Variants in PKD1 observed in about 807,000 individuals in gnomAD.
The protein encoded by PKD1 is polycystin 1, transient receptor potential channel interacting.
Under a neutral mutation model 361.7 loss-of-function variants are expected in PKD1, and 81 were observed. The ratio of observed to expected loss-of-function variants is 0.22; its 90% CI spans 0.19 to 0.27. The LOEUF (loss-of-function observed/expected upper bound fraction) is 0.27. PKD1 is among the 10% of genes least tolerant of loss of function. The pLI is 1.00. For missense variants in PKD1, 6,399 were observed against 6,118.3 expected (o/e 1.05, Z -1.53); for synonymous variants, 3,615 against 2,818.3 (o/e 1.28, Z -8.95).
chr16:2,105,382 G>T lies in PKD1; in HGVS notation c.7956C>A (p.Ser2652=), dbSNP rs778961122. The change falls in exon 21 of 46, where the codon TCC becomes TCA. Residue 2652 remains serine (S), a synonymous_variant. Coordinates refer to ENST00000262304, the MANE Select transcript of PKD1 (RefSeq NM_001009944.3). ...IRKNITETLV[S]LRVHTVDDIQ... is the part of the protein sequence containing the mutation. ...TGTCATCCACAGTGTGGACCCTCAGGGACACCAGAGTCTCCGTGATGTTCT... is the reference window on the plus strand; with the variant it reads ...TGTCATCCACAGTGTGGACCCTCAGTGACACCAGAGTCTCCGTGATGTTCT... 46 of 1,586,880 alleles carry T rather than the reference G, an allele frequency of 2.9e-5. No homozygotes were observed. The Middle Eastern group carries it at 2.5e-3, about 86-fold the overall frequency.
Position 2,100,345 on chromosome 16 carries a change from G to T in PKD1, c.9569-36C>A, listed in dbSNP as rs1376439336. 11 of 1,610,282 alleles carry T rather than the reference G, an allele frequency of 6.8e-6. No individual in the cohort carries two copies. The highest frequency in any genetic ancestry group is 8.5e-6 in the Non-Finnish European group (10 of 1,179,152). On this transcript the variant is annotated intron_variant, in intron 27 of 45. Coordinates refer to ENST00000262304, the MANE Select transcript of PKD1 (RefSeq NM_001009944.3). This position sits in a 1 kb window ranked among gnomAD's most constrained non-coding sequence, Gnocchi z 4.4. ...GCAGGAGGGAGGTCAGGCTCGCAGG[G>T]CGCCCCAATGCGGGGGCAGAGGGGC...
chr16:2,112,799 C>T lies in PKD1; in HGVS notation c.3150G>A (p.Glu1050=), dbSNP rs776465341. ...TAGVLVDSAV[E]VAFLWTFGDG... ...CCCGAGTCACTCACAGGAAGGCCAC[C>T]TCCACGGCCGAGTCCACCAGCACGC... is the stretch of plus-strand genomic sequence containing the variant. Residue 1050 remains glutamate, a synonymous_variant, in exon 13 of 46, where the codon GAG becomes GAA. Transcript: ENST00000262304. 1.2e-5 allele frequency: 19 copies of T among 1,597,320 alleles called. No homozygotes were observed. Among genetic ancestry groups the T allele is most frequent in the Non-Finnish European group, 1.3e-5 (15 of 1,179,524 alleles).
chr16:2,093,931 A>AGCCACC lies in PKD1; in HGVS notation c.10695_10700dup (p.Ala3571_Val3572dup), dbSNP rs2091727070. On this transcript the variant is annotated inframe_insertion, in exon 36 of 46. Transcript: ENST00000262304. ...CCCACCCTGAGACAGCCACAGCCAC[A>AGCCACC]GCCACCAGGAGCAGGCTGAGCCCGT... 6.3e-7 allele frequency: 1 copy of AGCCACC among 1,584,832 alleles called. No homozygotes were observed. Among genetic ancestry groups the AGCCACC allele is most frequent in the Admixed American group, 1.7e-5 (1 of 57,518 alleles).
chr16:2,097,059 C>T (rs2091877960), intron 34 of PKD1, 89 bp downstream of exon 34: 3 of 715,440 alleles, frequency 4.2e-6, no homozygotes, highest in South Asian at 3.0e-5. Context: ...CCCCACCCCA[C>T]CCTACCCCAG....
At position 2,117,948 on chromosome 16, in the gene PKD1, T is replaced by TGTCCCCAGCAGGGCTGAGCCG. The variant is rs2092667073; in HGVS notation, c.1023_1043dup (p.Gly342_Thr348dup). 6.7e-7 allele frequency: 1 copy of TGTCCCCAGCAGGGCTGAGCCG among 1,487,152 alleles called. No individual in the cohort carries two copies. Among genetic ancestry groups the TGTCCCCAGCAGGGCTGAGCCG allele is most frequent in the African/African-American group, 1.4e-5 (1 of 72,334 alleles). 92.1% of individuals were successfully genotyped at this position (1,487,152 alleles called of 1,614,324 possible). ...CAGGTGCCGCTTCCACCTGCACGTC[T>TGTCCCCAGCAGGGCTGAGCCG]GTCCCCAGCAGGGCTGAGCCGGCCC... On this transcript the variant is annotated inframe_insertion, in exon 5 of 46. Transcript: ENST00000262304.
intron 23 of PKD1, 128 bp from the exon 24 acceptor site, chr16:2,103,098 C>G: frequency 7.9e-7 from 1 of 1,271,230 alleles, no homozygotes; most frequent in Non-Finnish European, 1.1e-6. Flanking sequence ...TGCACCAGAG[C>G]TGGCACCTGC....
At chr16:2,105,825 C>T in intron 20 of PKD1, 40 bp downstream of exon 20, 1 of 1,579,692 alleles carries the variant, frequency 6.3e-7, no homozygotes, top group Middle Eastern at 2.3e-4. Context: ...CCCAAGCACG[C>T]ATGCAGCAGA....
At chr16:2,097,119 C>T (rs769180162) in intron 34 of PKD1, 29 bp downstream of exon 34, 55 of 1,255,394 alleles carry the variant, frequency 4.4e-5, no homozygotes, top group Admixed American at 1.4e-4. Flanking sequence ...CTCTGGCAAT[C>T]CCCCCTCCCC....
rs1433043091 is a variant in PKD1 at position 2,115,295 on chromosome 16, G to T, written c.2097+83C>A. On this transcript the variant is annotated intron_variant, in intron 10 of 45. Transcript: ENST00000262304. ...GGGGCCTGCAGGCTGGGTGTGTCTG[G>T]TGCACAGACCCAGACCCTGGGCAGC... 13 of 1,372,644 alleles carry T rather than the reference G, an allele frequency of 9.5e-6. No homozygotes were observed. The East Asian group carries it at 2.7e-4, about 29-fold the overall frequency. The allele number at this position is 1,372,644 out of a possible 1,614,324, so 85.0% of individuals were successfully genotyped here. A position where few individuals can be genotyped will look rare whatever the true frequency, so the allele number is the denominator to read the frequency against.
At chr16:2,103,164 A>G in intron 23 of PKD1, 102 bp downstream of exon 23, 1 of 1,399,008 alleles carries the variant, frequency 7.1e-7, no homozygotes, top group South Asian at 1.2e-5. Flanking sequence ...CATGAAACAG[A>G]AAGCAAATTT....
At position 2,089,509 on chromosome 16, in the gene PKD1, G is replaced by A. The variant is rs2091352580; in HGVS notation, c.*218C>T. On this transcript the variant is annotated 3_prime_UTR_variant, in exon 46 of 46. Transcript: ENST00000262304. ...GCTAGAAACCGTCCAATACTGCTGT[G>A]TCCTTCCCAAGGGAGCTGGGGAGGG... 1 of 606,170 alleles carries A rather than the reference G, an allele frequency of 1.6e-6. No individual in the cohort carries two copies. Among genetic ancestry groups the A allele is most frequent in the Non-Finnish European group, 2.9e-6 (1 of 340,152 alleles). 37.5% of individuals were successfully genotyped at this position (606,170 alleles called of 1,614,324 possible). A position where few individuals can be genotyped will look rare whatever the true frequency, so the allele number is the denominator to read the frequency against.
At position 2,088,786 on chromosome 16, in the gene PKD1, C is replaced by G; in HGVS notation, c.*941G>C. On this transcript the variant is annotated 3_prime_UTR_variant, in exon 46 of 46. Coordinates refer to ENST00000262304, the MANE Select transcript of PKD1 (RefSeq NM_001009944.3). ...GGGGTGTCGAGGCTCTAGAAGCGGC[C>G]ATGCCCACAGAAGTGGTACACAGAA... The G allele has an allele frequency of 1.2e-6, 1 of 867,536 alleles. No individual in the cohort carries two copies. The highest frequency in any genetic ancestry group is 1.7e-6 in the Non-Finnish European group (1 of 577,270). The allele number at this position is 867,536 out of a possible 1,614,324, so 53.7% of individuals were successfully genotyped here.
chr16:2,120,886 G>T (rs947282804), intron 1 of PKD1, among the ~76,000 whole-genome samples: 1 of 152,042 alleles, frequency 6.6e-6, no homozygotes, highest in African/African-American at 2.4e-5. Flanking sequence ...GCATGGCGGC[G>T]GGAGCCTGTA....
rs9930756 is a variant in PKD1 at position 2,103,156 on chromosome 16, T to C, written c.8791+110A>G. The C allele has an allele frequency of 6.1e-3, 8,358 of 1,374,412 alleles. 429 individuals are homozygous for C. The African/African-American group carries it at 0.1, about 17-fold the overall frequency. 85.1% of individuals were successfully genotyped at this position (1,374,412 alleles called of 1,614,324 possible). A position where few individuals can be genotyped will look rare whatever the true frequency, so the allele number is the denominator to read the frequency against. ...CTCTGGCCAGGCCCCCAGCAGCCCA[T>C]GAAACAGAAAGCAAATTTCACCAGA... On this transcript the variant is annotated intron_variant, in intron 23 of 45. Transcript: ENST00000262304.
rs758504352 is a variant in PKD1, at chr16:2,111,393, T to G, written c.3774A>C (p.Ala1258=). ...CCCGCAGGTACACATGCTCCACTGT[T>G]GCCTCCGGGCCCGACAGCACGGTGC... The part of the protein sequence containing the change: ...GDGTVLSGPE[A]TVEHVYLRAQ... The change falls in exon 15 of 46, where the codon GCA becomes GCC. Residue 1258 remains alanine (A), a synonymous_variant. Coordinates refer to ENST00000262304, the MANE Select transcript of PKD1 (RefSeq NM_001009944.3). 4.9e-5 allele frequency: 79 copies of G among 1,611,460 alleles called. No individual in the cohort carries two copies. The highest frequency in any genetic ancestry group is 6.4e-5 in the Non-Finnish European group (76 of 1,179,552).
Position 2,100,173 on chromosome 16 carries a change from C to T in PKD1, c.9705G>A (p.Leu3235=). ...CATGGAACGAGGCCTTACTCGCGGC[C>T]AGCACCTCCTTCTCCACCAGGCCCC... is the stretch of plus-strand genomic sequence containing the variant. ...ANGGLVEKEV[L]AASDAALLRF... is the part of the protein sequence containing the mutation. The change falls in exon 28 of 46, where the codon CTG becomes CTA. Residue 3235 remains leucine, a synonymous_variant. Transcript: ENST00000262304. This position sits in a 1 kb window ranked among gnomAD's most constrained non-coding sequence, Gnocchi z 4.4. 6.2e-7 allele frequency: 1 copy of T among 1,608,904 alleles called. No individual in the cohort carries two copies. The highest frequency in any genetic ancestry group is 8.5e-7 in the Non-Finnish European group (1 of 1,178,338).
chr16:2,116,808 G>A, intron 7 of PKD1, 25 bp downstream of exon 7: 18 of 1,406,074 alleles, frequency 1.3e-5, no homozygotes, highest in Non-Finnish European at 1.6e-5. Context: ...CAGCGTCTCA[G>A]GCCCCTGCCT....
chr16:2,108,121 C>T, intron 15 of PKD1, 89 bp from the exon 16 acceptor site: 2 of 1,513,298 alleles, frequency 1.3e-6, no homozygotes, highest in Non-Finnish European at 1.8e-6. Flanking sequence ...GCGGGAGACC[C>T]CCTCCCCATG....
chr16:2,093,674 G>T lies in PKD1; in HGVS notation c.10886C>A (p.Thr3629Asn), dbSNP rs765167102. The part of the protein sequence containing the change: ...AKRLHPDEDD[T>N]LVESPAVTPV... The stretch of plus-strand genomic sequence containing the variant: ...CGTCACAGCCGGGCTCTCTACCAGG[G>T]TGTCATCTTCATCCGGGTGCAGCCG... Residue 3629 changes from threonine (T) to asparagine (N), a missense_variant, in exon 37 of 46, where the codon ACC (threonine) becomes AAC (asparagine). Thr to Asn is a moderately conservative substitution (Grantham distance 65, BLOSUM62 0). Transcript: ENST00000262304. 3 of 1,606,578 alleles carry T rather than the reference G, an allele frequency of 1.9e-6. No homozygotes were observed. In the African/African-American group the frequency reaches 4.0e-5, roughly 21 times the overall value.
Sources: allele counts gnomAD v4.1 joint callset (sites outside exome capture counted in the v4.1 genomes callset), GRCh38; gene constraint gnomAD v4.1.1; non-coding constraint Gnocchi (gnomAD v3.1); transcripts MANE v1.5; gene names NCBI Gene and HGNC (gene_info 2026-07-23, HGNC 2026-07-21).